PLEKHH2: variants seen among roughly 807,000 people sequenced by gnomAD.
The protein encoded by PLEKHH2 is pleckstrin homology domain-containing family H member 2.
Under a neutral mutation model 187.9 loss-of-function variants are expected in PLEKHH2, and 129 were observed. The observed-to-expected ratio is 0.69, with a 90% confidence interval of 0.59 to 0.79. The LOEUF is 0.79. Among genes scored for constraint, PLEKHH2 ranks in the 30% least tolerant of loss-of-function variants. PLEKHH2 has a pLI of 0.00. For synonymous variants in PLEKHH2, 686 were observed against 605.6 expected (o/e 1.13, Z -1.95); for missense variants, 2,076 against 1,751.2 (o/e 1.19, Z -3.31).
intron 16 of PLEKHH2, 96 bp downstream of exon 16, chr2:43,720,845 C>A (rs1391436637): frequency 6.7e-7 from 1 of 1,482,570 alleles, no homozygotes; most frequent in Non-Finnish European, 8.9e-7. Context: ...TGTAAAACTT[C>A]AGAATCTTTA....
In PLEKHH2 at chr2:43,678,602, C is replaced by G. The variant is rs577592739; in HGVS notation, c.124-261C>G. Among the ~76,000 whole-genome samples, 712 of 152,140 alleles carry G rather than the reference C, an allele frequency of 4.7e-3. 6 individuals are homozygous for G. Among genetic ancestry groups the G allele is most frequent in the African/African-American group, 0.015 (641 of 41,538 alleles). On this transcript the variant is annotated intron_variant, in intron 2 of 29. Transcript: ENST00000282406. Reference sequence around the variant, plus strand: ...GCGCGCGCCTGCAATCGCAGGCACTCGGCAGGCTGAGGCAGGAGAATCAGG... The same window carrying G: ...GCGCGCGCCTGCAATCGCAGGCACTGGGCAGGCTGAGGCAGGAGAATCAGG...
chr2:43,644,039 C>G (rs1398430905), intron 1 of PLEKHH2, among the ~76,000 whole-genome samples: 2 of 152,058 alleles, frequency 1.3e-5, no homozygotes, highest in South Asian at 2.1e-4. Flanking sequence ...AAAAATTATG[C>G]AAACTTGTCA....
intron 4 of PLEKHH2, among the ~76,000 whole-genome samples, chr2:43,694,218 T>C (rs896490401): frequency 2.0e-5 from 3 of 152,234 alleles, no homozygotes; most frequent in African/African-American, 7.2e-5. Context: ...GAATAGCGGT[T>C]GTTAAAACTA....
intron 4 of PLEKHH2, among the ~76,000 whole-genome samples, chr2:43,693,004 G>A (rs1392435317): frequency 6.6e-6 from 1 of 152,154 alleles, no homozygotes; most frequent in African/African-American, 2.4e-5. Context: ...ACCTCTGCAA[G>A]TCCACCCACA....
At chr2:43,656,152 T>C (rs974871544) in intron 2 of PLEKHH2, among the ~76,000 whole-genome samples, 1 of 152,102 alleles carries the variant, frequency 6.6e-6, no homozygotes, top group African/African-American at 2.4e-5. Context: ...AGATGGGATT[T>C]TGCCATGTTG....
rs1672598860 is a variant in PLEKHH2, at chr2:43,765,725, G to C, written c.*127G>C. 1 of 796,324 alleles carries C rather than the reference G, an allele frequency of 1.3e-6. No homozygotes were observed. The highest frequency in any genetic ancestry group is 3.0e-5 in the South Asian group (1 of 33,608). 49.3% of individuals were successfully genotyped at this position (796,324 alleles called of 1,614,324 possible). ...GTATTCCAAACCTTAACAATGAAGGGGGTTAGTCTCTTTTATTTGATTCTT... is the reference window on the plus strand; with the variant it reads ...GTATTCCAAACCTTAACAATGAAGGCGGTTAGTCTCTTTTATTTGATTCTT... On this transcript the variant is annotated 3_prime_UTR_variant, in exon 30 of 30. Coordinates refer to ENST00000282406, the MANE Select transcript of PLEKHH2 (RefSeq NM_172069.4).
At chr2:43,759,257 T>C (rs531282653) in intron 27 of PLEKHH2, among the ~76,000 whole-genome samples, 1 of 152,326 alleles carries the variant, frequency 6.6e-6, no homozygotes, top group Non-Finnish European at 1.5e-5. Context: ...ATTAGGTGAA[T>C]CATGAGTCCT....
rs751457261 is a variant in PLEKHH2, at chr2:43,745,958, A to G, written c.3648A>G (p.Lys1216=). 5 of 1,604,494 alleles carry G rather than the reference A, an allele frequency of 3.1e-6. No individual in the cohort carries two copies. Among genetic ancestry groups the G allele is most frequent in the Non-Finnish European group, 4.3e-6 (5 of 1,172,560 alleles). The part of the protein sequence containing the change: ...EGTRTVRLTY[K]NRLYFSVQAR... ...CAAGGACTGTTCGTCTGACATACAA[A>G]AACAGGTGTGTAATACTGCATCCAG... is the stretch of plus-strand genomic sequence containing the variant. The change falls in exon 24 of 30, where the codon AAA becomes AAG. Residue 1216 remains lysine, a synonymous_variant. Coordinates refer to ENST00000282406, the MANE Select transcript of PLEKHH2 (RefSeq NM_172069.4).
At chr2:43,734,417 A>T (rs1162670494) in intron 19 of PLEKHH2, among the ~76,000 whole-genome samples, 2 of 152,230 alleles carry the variant, frequency 1.3e-5, no homozygotes, top group Admixed American at 1.3e-4. Context: ...AAAACAAATA[A>T]TCCAATTTTA....
At chr2:43,669,816 C>T (rs1352248219) in intron 2 of PLEKHH2, among the ~76,000 whole-genome samples, 1 of 151,964 alleles carries the variant, frequency 6.6e-6, no homozygotes, top group Non-Finnish European at 1.5e-5. Flanking sequence ...GAGTGATTCT[C>T]ATGTCTCAGC....
chr2:43,747,032 T>C (rs1671808196), intron 24 of PLEKHH2, among the ~76,000 whole-genome samples: 6 of 152,008 alleles, frequency 3.9e-5, no homozygotes, highest in Admixed American at 3.3e-4. Flanking sequence ...AAGTCATATA[T>C]TCTTTATACT....
intron 24 of PLEKHH2, among the ~76,000 whole-genome samples, chr2:43,752,633 T>C (rs1322204367): frequency 6.6e-6 from 1 of 152,190 alleles, no homozygotes; most frequent in Admixed American, 6.5e-5. Context: ...AATCTCTCTT[T>C]TCCAGCCACT....
intron 3 of PLEKHH2, among the ~76,000 whole-genome samples, chr2:43,682,859 C>T (rs1460796641): frequency 6.6e-6 from 1 of 151,992 alleles, no homozygotes; most frequent in Non-Finnish European, 1.5e-5. Flanking sequence ...TTTCATTTAG[C>T]AGAATGTTTT....
At position 43,766,224 on chromosome 2, in the gene PLEKHH2, C is replaced by T. The variant is rs74378179; in HGVS notation, c.*626C>T. ...TGTGTGGTATTAGAAAGTATACCGTCACCTTTTCACATCACTGGAGTGTAA... is the reference window on the plus strand; with the variant it reads ...TGTGTGGTATTAGAAAGTATACCGTTACCTTTTCACATCACTGGAGTGTAA... On this transcript the variant is annotated 3_prime_UTR_variant, in exon 30 of 30. Transcript: ENST00000282406. 1 of 152,744 alleles carries T rather than the reference C, an allele frequency of 6.5e-6. No individual in the cohort carries two copies. The highest frequency in any genetic ancestry group is 1.5e-5 in the Non-Finnish European group (1 of 68,058). 9.5% of individuals were successfully genotyped at this position (152,744 alleles called of 1,614,324 possible). A position where few individuals can be genotyped will look rare whatever the true frequency, so the allele number is the denominator to read the frequency against.
intron 2 of PLEKHH2, among the ~76,000 whole-genome samples, chr2:43,656,476 G>C (rs1666767608): frequency 6.6e-6 from 1 of 151,892 alleles, no homozygotes; most frequent in South Asian, 2.1e-4. Context: ...ATTCCTAGAA[G>C]CTGCATGTCA....
chr2:43,648,326 C>T (rs577519675), intron 2 of PLEKHH2, among the ~76,000 whole-genome samples: 2 of 151,750 alleles, frequency 1.3e-5, no homozygotes, highest in Admixed American at 6.6e-5. Flanking sequence ...GTAGCTGGGA[C>T]TACAGGCACA....
chr2:43,696,183 G>C (rs183139824), intron 6 of PLEKHH2, among the ~76,000 whole-genome samples: 53 of 152,046 alleles, frequency 3.5e-4, no homozygotes, highest in African/African-American at 1.3e-3. Context: ...CTTTTGGCTG[G>C]GCCACTGGGC....
At position 43,694,427 on chromosome 2, in the gene PLEKHH2, T is replaced by A; in HGVS notation, c.337-4T>A. The A allele has an allele frequency of 6.5e-7, 1 of 1,550,056 alleles. No individual in the cohort carries two copies. Among genetic ancestry groups the A allele is most frequent in the Non-Finnish European group, 8.7e-7 (1 of 1,142,874 alleles). On this transcript the variant is annotated splice_polypyrimidine_tract_variant and splice_region_variant and intron_variant, in intron 4 of 29. Transcript: ENST00000282406. Reference sequence around the variant, plus strand: ...AACTAAACAAATTGCTATTGTTATTTCAGAAACAAATAAGAATACAAGAAG... The same window carrying A: ...AACTAAACAAATTGCTATTGTTATTACAGAAACAAATAAGAATACAAGAAG...
At chr2:43,721,634 A>G (rs1481326089) in intron 16 of PLEKHH2, among the ~76,000 whole-genome samples, 1 of 152,182 alleles carries the variant, frequency 6.6e-6, no homozygotes, top group African/African-American at 2.4e-5. Flanking sequence ...CTATAATCCC[A>G]GCACTTTGGG....
Sources: allele counts gnomAD v4.1 joint callset (sites outside exome capture counted in the v4.1 genomes callset), GRCh38; gene constraint gnomAD v4.1.1; transcripts MANE v1.5; gene names NCBI Gene and HGNC (gene_info 2026-07-23, HGNC 2026-07-21).